Variants in ITGAM observed in about 807,000 individuals in gnomAD.
ITGAM encodes the protein integrin alpha-M.
Under a neutral mutation model 137.5 loss-of-function variants are expected in ITGAM, and 79 were observed. The observed-to-expected ratio is 0.57, with a 90% CI of 0.48 to 0.69. ITGAM has a LOEUF of 0.69. Ranked by LOEUF, ITGAM falls within the 30% of genes least tolerant of loss-of-function variation. The pLI, the probability that ITGAM is intolerant of heterozygous loss-of-function variation, is 0.00. For missense variants in ITGAM, 1,343 were observed against 1,483.5 expected (o/e 0.91, Z 1.56); for synonymous variants, 583 against 592.3 (o/e 0.98, Z 0.23).
rs928164278 is a variant in ITGAM at position 31,326,260 on chromosome 16, T to C, written c.2629-596T>C. On this transcript the variant is annotated intron_variant, in intron 21 of 29. Coordinates refer to ENST00000544665, the MANE Select transcript of ITGAM (RefSeq NM_000632.4). ...AGCCCTATGCAACCACTAATCTACT[T>C]TGTCTATAGATTTGCCTATTCTGGA... Among the ~76,000 whole-genome samples the C allele has an allele frequency of 5.9e-5, 9 of 152,014 alleles. 1 individual carries two copies. The highest frequency in any genetic ancestry group is 2.2e-4 in the African/African-American group (9 of 41,384).
chr16:31,267,545 C>A (rs2079783104), intron 5 of ITGAM, among the ~76,000 whole-genome samples: 1 of 152,216 alleles, frequency 6.6e-6, no homozygotes, highest in Non-Finnish European at 1.5e-5. Flanking sequence ...GGCAGTGACT[C>A]ACTCGTTTTA....
At chr16:31,285,705 A>C (rs1359498342) in intron 12 of ITGAM, among the ~76,000 whole-genome samples, 1 of 151,976 alleles carries the variant, frequency 6.6e-6, no homozygotes. Context: ...CATACATTGC[A>C]TGTTGCTGAG....
At chr16:31,293,776 G>A (rs2080108491) in intron 12 of ITGAM, among the ~76,000 whole-genome samples, 1 of 152,154 alleles carries the variant, frequency 6.6e-6, no homozygotes, top group African/African-American at 2.4e-5. Flanking sequence ...TGTGAAGAAT[G>A]TCATTGGTAG....
intron 22 of ITGAM, among the ~76,000 whole-genome samples, chr16:31,327,866 A>T (rs2080524749): frequency 6.6e-6 from 1 of 152,096 alleles, no homozygotes; most frequent in African/African-American, 2.4e-5. Context: ...TGACATAATC[A>T]TATTTGCATG....
In ITGAM at chr16:31,330,434, C is replaced by T. The variant is rs1191708384; in HGVS notation, c.3174+13C>T. The T allele has an allele frequency of 1.2e-6, 2 of 1,612,424 alleles. No individual in the cohort carries two copies. The highest frequency in any genetic ancestry group is 2.2e-5 in the East Asian group (1 of 44,876). ...CTGGTACATCAAGGTGTGTGGGGTC[C>T]TGAGGCTTCGCCGGGCACAGGCGTG... On this transcript the variant is annotated intron_variant, in intron 27 of 29. Transcript: ENST00000544665.
chr16:31,314,855 G>A (rs999059835), intron 14 of ITGAM, among the ~76,000 whole-genome samples: 4 of 142,394 alleles, frequency 2.8e-5, no homozygotes, highest in African/African-American at 1.1e-4. Context: ...TGGAGTCTCA[G>A]TCTGTCACCC....
intron 14 of ITGAM, among the ~76,000 whole-genome samples, chr16:31,310,846 A>G (rs1225583303): frequency 6.6e-6 from 1 of 151,956 alleles, no homozygotes; most frequent in African/African-American, 2.4e-5. Context: ...TTGGTCTTTG[A>G]TGATGGTGAC....
intron 6 of ITGAM, among the ~76,000 whole-genome samples, chr16:31,271,484 C>T (rs1416377689): frequency 2.6e-5 from 4 of 152,206 alleles, no homozygotes; most frequent in Admixed American, 6.5e-5. Context: ...TCCCGAGTAG[C>T]GGGGATTACA....
At chr16:31,274,134 A>T (rs2079881184) in intron 8 of ITGAM, among the ~76,000 whole-genome samples, 1 of 152,244 alleles carries the variant, frequency 6.6e-6, no homozygotes, top group Admixed American at 6.5e-5. Context: ...AAACGCCACA[A>T]GCTGCATGGA....
At chr16:31,311,377 C>G (rs1018268701) in intron 14 of ITGAM, among the ~76,000 whole-genome samples, 4 of 152,090 alleles carry the variant, frequency 2.6e-5, no homozygotes, top group Admixed American at 6.6e-5. Flanking sequence ...ATTTTTGCAA[C>G]CTACTCATCT....
intron 12 of ITGAM, among the ~76,000 whole-genome samples, chr16:31,288,919 A>C (rs2080057874): frequency 6.6e-6 from 1 of 152,208 alleles, no homozygotes; most frequent in Admixed American, 6.5e-5. Context: ...CAAGAAAAAA[A>C]CAACCCCATC....
chr16:31,307,645 C>G (rs1245796965), intron 14 of ITGAM, among the ~76,000 whole-genome samples: 1 of 152,166 alleles, frequency 6.6e-6, no homozygotes, highest in Non-Finnish European at 1.5e-5. Context: ...TTATTCCCTT[C>G]TGCTGCCTGA....
rs1033985079 is a variant in ITGAM, at chr16:31,331,896, TGTGTGC to T, written c.*199_*204del. Reference sequence around the variant, plus strand: ...GTGTCTGTGTGCAAGTGTGTGCACATGTGTGCGTGTGCGTGCATGTGCACTTGCACG... The same window carrying T: ...GTGTCTGTGTGCAAGTGTGTGCACATGTGTGCGTGCATGTGCACTTGCACG... On this transcript the variant is annotated 3_prime_UTR_variant, in exon 30 of 30. Coordinates refer to ENST00000544665, the MANE Select transcript of ITGAM (RefSeq NM_000632.4). The T allele has an allele frequency of 2.5e-4, 40 of 162,768 alleles. No individual in the cohort carries two copies. Among genetic ancestry groups the T allele is most frequent in the Middle Eastern group, 1.9e-3 (1 of 514 alleles). 10.1% of individuals were successfully genotyped at this position (162,768 alleles called of 1,614,324 possible).
chr16:31,321,316 A>G lies in ITGAM; in HGVS notation c.1783A>G (p.Met595Val). 1.9e-6 allele frequency: 3 copies of G among 1,614,006 alleles called. No homozygotes were observed. The highest frequency in any genetic ancestry group is 2.5e-6 in the Non-Finnish European group (3 of 1,179,892). Residue 595 changes from methionine to valine, a missense_variant, in exon 15 of 30, where the codon ATG (methionine) becomes GTG (valine). Transcript: ENST00000544665. The part of the protein sequence containing the change: ...QSLSGGQDLT[M>V]DGLVDLTVGA... ...ACTGAGTGGGGGCCAGGACCTCACAATGGATGGACTGGTAGACCTGACTGT... is the reference window on the plus strand; with the variant it reads ...ACTGAGTGGGGGCCAGGACCTCACAGTGGATGGACTGGTAGACCTGACTGT...
Position 31,330,351 on chromosome 16 carries a change from C to A in ITGAM, c.3104C>A (p.Pro1035Gln). 2 of 1,613,992 alleles carry A rather than the reference C, an allele frequency of 1.2e-6. No individual in the cohort carries two copies. Among genetic ancestry groups the A allele is most frequent in the Non-Finnish European group, 1.7e-6 (2 of 1,179,842 alleles). The change falls in exon 27 of 30, where the codon CCG (proline) becomes CAG (glutamine). Residue 1035 changes from proline (P) to glutamine (Q), a missense_variant. Pro to Gln is a moderately conservative substitution (Grantham distance 76). Transcript: ENST00000544665. Reference protein sequence around the residue: ...AVCQRIQCDIPFFGIQEEFNA... With the variant: ...AVCQRIQCDIQFFGIQEEFNA... ...TGCCAGAGAATCCAGTGTGACATCCCGTTCTTTGGCATCCAGGAAGAATTC... is the reference window on the plus strand; with the variant it reads ...TGCCAGAGAATCCAGTGTGACATCCAGTTCTTTGGCATCCAGGAAGAATTC...
chr16:31,292,051 C>T (rs190628044), intron 12 of ITGAM, among the ~76,000 whole-genome samples: 50 of 151,950 alleles, frequency 3.3e-4, no homozygotes, highest in African/African-American at 1.1e-3. Flanking sequence ...CACATGTTCC[C>T]TATAAATATG....
chr16:31,290,673 C>T (rs2080078716), intron 12 of ITGAM, among the ~76,000 whole-genome samples: 1 of 151,598 alleles, frequency 6.6e-6, no homozygotes, highest in South Asian at 2.1e-4. Flanking sequence ...AAATTGGAAA[C>T]AAGACAAGAA....
chr16:31,323,326 A>G (rs1451242081), intron 16 of ITGAM, among the ~76,000 whole-genome samples: 1 of 151,776 alleles, frequency 6.6e-6, no homozygotes, highest in Non-Finnish European at 1.5e-5. Flanking sequence ...GCTACTCAGG[A>G]GGCTGAAGCA....
In ITGAM at chr16:31,331,976, C is replaced by T. The variant is rs958269672; in HGVS notation, c.*269C>T. 1.6e-4 allele frequency: 81 copies of T among 513,960 alleles called. No homozygotes were observed. The East Asian group carries it at 2.3e-3, about 15-fold the overall frequency. The allele number at this position is 513,960 out of a possible 1,614,324, so 31.8% of individuals were successfully genotyped here. A position where few individuals can be genotyped will look rare whatever the true frequency, so the allele number is the denominator to read the frequency against. The stretch of plus-strand genomic sequence containing the variant: ...ATGTGAGTGTGTCCAAGTGTGTGTG[C>T]GTGTGTCCATGTGTGTGCAAGTGTG... On this transcript the variant is annotated 3_prime_UTR_variant, in exon 30 of 30. Transcript: ENST00000544665.
Sources: allele counts gnomAD v4.1 joint callset (sites outside exome capture counted in the v4.1 genomes callset), GRCh38; gene constraint gnomAD v4.1.1; transcripts MANE v1.5; gene names NCBI Gene and HGNC (gene_info 2026-07-23, HGNC 2026-07-21).